Variants in PTPRD observed in about 807,000 individuals in gnomAD.
PTPRD encodes protein tyrosine phosphatase receptor type D.
A neutral mutation model predicts 214.5 loss-of-function variants in PTPRD; 34 were observed. That is an observed-to-expected ratio of 0.16 (90% CI 0.12 to 0.21). The LOEUF is 0.21. Among genes scored for constraint, PTPRD ranks in the 10% least tolerant of loss-of-function variants. The probability of loss-of-function intolerance (pLI) is 1.00; values close to 1 mark genes in which losing one functional copy is unlikely to be tolerated. For synonymous variants in PTPRD, 1,128 were observed against 845.7 expected (o/e 1.33, Z -5.79); for missense variants, 2,545 against 2,398.7 (o/e 1.06, Z -1.27).
At chr9:9,118,184 A>G (rs957839023) in intron 10 of PTPRD, among the ~76,000 whole-genome samples, 1 of 152,220 alleles carries the variant, frequency 6.6e-6, no homozygotes, top group African/African-American at 2.4e-5. Flanking sequence ...TGAAAGATGC[A>G]TAACACTATA....
chr9:8,740,327 G>A (rs577538390), intron 11 of PTPRD, among the ~76,000 whole-genome samples: 1 of 152,164 alleles, frequency 6.6e-6, no homozygotes, highest in South Asian at 2.1e-4. Flanking sequence ...CACTACTTCT[G>A]GCAGCAAAGA....
At chr9:9,173,679 G>A (rs1305476476) in intron 10 of PTPRD, among the ~76,000 whole-genome samples, 2 of 152,072 alleles carry the variant, frequency 1.3e-5, no homozygotes, top group African/African-American at 2.4e-5. Context: ...AAAAGGTAAA[G>A]TAAAAATATG....
At chr9:8,705,439 T>C (rs570309322) in intron 12 of PTPRD, among the ~76,000 whole-genome samples, 1 of 152,348 alleles carries the variant, frequency 6.6e-6, no homozygotes, top group African/African-American at 2.4e-5. Context: ...TTTTAACAAA[T>C]GCAGAGGAGC....
chr9:9,003,085 T>G (rs938347647), intron 11 of PTPRD, among the ~76,000 whole-genome samples: 1 of 152,036 alleles, frequency 6.6e-6, no homozygotes, highest in African/African-American at 2.4e-5. Context: ...TCATCGCCCC[T>G]TTCAGAATAC....
At chr9:8,628,566 C>A (rs1281552293) in intron 14 of PTPRD, among the ~76,000 whole-genome samples, 2 of 149,528 alleles carry the variant, frequency 1.3e-5, no homozygotes, top group African/African-American at 5.0e-5. Flanking sequence ...GAGGGGTGAT[C>A]TGAGTGATTT....
intron 3 of PTPRD, among the ~76,000 whole-genome samples, chr9:10,095,301 A>C (rs13287746): frequency 0.019 from 2,864 of 151,634 alleles, 34 homozygotes; most frequent in African/African-American, 0.03. Flanking sequence ...TAGATGGAGC[A>C]TAATATAGAC....
At chr9:10,075,390 T>C (rs758410108) in intron 3 of PTPRD, among the ~76,000 whole-genome samples, 24 of 152,060 alleles carry the variant, frequency 1.6e-4, no homozygotes, top group Admixed American at 3.9e-4. Context: ...ATGAAAGTAA[T>C]TTACTTACTT....
At chr9:8,768,796 T>C (rs1013161284) in intron 11 of PTPRD, among the ~76,000 whole-genome samples, 5 of 152,170 alleles carry the variant, frequency 3.3e-5, no homozygotes, top group Admixed American at 3.3e-4. Flanking sequence ...ATTTATAATC[T>C]GGAATTAATA....
rs905773449 is a variant in PTPRD, at chr9:10,578,631, T to C, written c.-600+33767A>G. Among the ~76,000 whole-genome samples, 6 of 152,170 alleles carry C rather than the reference T, an allele frequency of 3.9e-5. 1 individual carries two copies. The highest frequency in any genetic ancestry group is 2.1e-4 in the South Asian group (1 of 4,824). On this transcript the variant is annotated intron_variant, in intron 2 of 45. Coordinates refer to ENST00000381196, the MANE Select transcript of PTPRD (RefSeq NM_002839.4). The stretch of plus-strand genomic sequence containing the variant: ...GAATCCAGAAACTCACCTCTTCTCA[T>C]AGAAGTAAATAATTGAGATTTTGTC...
intron 39 of PTPRD, among the ~76,000 whole-genome samples, chr9:8,364,751 G>A (rs1226580599): frequency 6.6e-6 from 1 of 152,210 alleles, no homozygotes; most frequent in Non-Finnish European, 1.5e-5. Context: ...ATTTTCTGCT[G>A]CGGTAGCCTC....
chr9:9,881,724 C>G (rs1487170733), intron 5 of PTPRD, among the ~76,000 whole-genome samples: 1 of 152,290 alleles, frequency 6.6e-6, no homozygotes, highest in Admixed American at 6.5e-5. Flanking sequence ...ACATCTCACT[C>G]TGTGACCTTC....
chr9:9,764,559 AT>A (rs2098690924), intron 6 of PTPRD, among the ~76,000 whole-genome samples: 1 of 152,228 alleles, frequency 6.6e-6, no homozygotes, highest in South Asian at 2.1e-4. Context: ...TGAGATTATT[AT>A]TAAGAAGTTT....
At chr9:9,562,689 T>C (rs76383861) in intron 8 of PTPRD, among the ~76,000 whole-genome samples, 2,640 of 152,240 alleles carry the variant, frequency 0.017, 42 homozygotes, top group Admixed American at 0.025. Flanking sequence ...ACACCTTTAG[T>C]TCCTGAGCAA....
chr9:8,619,331 C>A (rs2095733225), intron 14 of PTPRD, among the ~76,000 whole-genome samples: 1 of 151,696 alleles, frequency 6.6e-6, no homozygotes, highest in African/African-American at 2.4e-5. Context: ...ATCCTTTGAC[C>A]ACCATCTCCC....
At position 10,539,106 on chromosome 9, in the gene PTPRD, G is replaced by T. The variant is rs561764773; in HGVS notation, c.-600+73292C>A. Among the ~76,000 whole-genome samples, 3 of 152,262 alleles carry T rather than the reference G, an allele frequency of 2.0e-5. No homozygotes were observed. The South Asian group carries it at 6.2e-4, about 32-fold the overall frequency. ...ACCCCTTTCTCTCCATCCTGATCTT[G>T]CACTTACTTATACAGGTCAAATTAG... On this transcript the variant is annotated intron_variant, in intron 2 of 45. Transcript: ENST00000381196.
intron 5 of PTPRD, among the ~76,000 whole-genome samples, chr9:9,857,558 CTGA>C (rs1314179222): frequency 2.6e-5 from 4 of 151,840 alleles, no homozygotes; most frequent in African/African-American, 9.7e-5. Flanking sequence ...GCTGGCTCTG[CTGA>C]TAATAAATAA....
chr9:9,707,731 T>A (rs2097651260), intron 7 of PTPRD, among the ~76,000 whole-genome samples: 1 of 152,154 alleles, frequency 6.6e-6, no homozygotes, highest in Admixed American at 6.6e-5. Flanking sequence ...TATAGTCACA[T>A]CATGTACGTT....
At chr9:8,937,195 G>A (rs1381699972) in intron 11 of PTPRD, among the ~76,000 whole-genome samples, 3 of 152,116 alleles carry the variant, frequency 2.0e-5, no homozygotes, top group Non-Finnish European at 2.9e-5. Context: ...AGACAGTCAC[G>A]GTGACATTAC....
intron 5 of PTPRD, among the ~76,000 whole-genome samples, chr9:9,782,132 G>T (rs1421743626): frequency 6.6e-6 from 1 of 151,934 alleles, no homozygotes; most frequent in Admixed American, 6.6e-5. Flanking sequence ...AGTATTCTTT[G>T]ACTCCCGGTG....
Sources: allele counts gnomAD v4.1 joint callset (sites outside exome capture counted in the v4.1 genomes callset), GRCh38; gene constraint gnomAD v4.1.1; transcripts MANE v1.5; gene names NCBI Gene and HGNC (gene_info 2026-07-23, HGNC 2026-07-21).